Variants in CACNB2 observed in about 807,000 individuals in gnomAD.
CACNB2 encodes voltage-dependent L-type calcium channel subunit beta-2.
A neutral mutation model predicts 73.3 loss-of-function variants in CACNB2; 42 were observed. The ratio of observed to expected loss-of-function variants is 0.57; its 90% CI spans 0.45 to 0.74. The LOEUF is 0.74. Ranked by LOEUF, CACNB2 falls within the 30% of genes least tolerant of loss-of-function variation. The pLI is 0.00. For synonymous variants in CACNB2, 348 were observed against 310.3 expected (o/e 1.12, Z -1.28); for missense variants, 940 against 853.0 (o/e 1.10, Z -1.27).
At chr10:18,222,893 C>T (rs947237043) in intron 2 of CACNB2, among the ~76,000 whole-genome samples, 3 of 152,238 alleles carry the variant, frequency 2.0e-5, no homozygotes, top group East Asian at 1.9e-4. Context: ...GCTGAGATTG[C>T]GCCATTGCAC....
chr10:18,510,539 G>C (rs2050709666), intron 6 of CACNB2, among the ~76,000 whole-genome samples: 1 of 152,182 alleles, frequency 6.6e-6, no homozygotes, highest in African/African-American at 2.4e-5. Flanking sequence ...CTGACCTCAA[G>C]TGATCCACCC....
chr10:18,172,915 T>C (rs951421078), intron 2 of CACNB2, among the ~76,000 whole-genome samples: 2 of 145,970 alleles, frequency 1.4e-5, no homozygotes, highest in East Asian at 2.2e-4. Context: ...ATAGGGAAAA[T>C]AATAAGGCCT....
intron 3 of CACNB2, among the ~76,000 whole-genome samples, chr10:18,465,977 G>A (rs914408944): frequency 2.6e-5 from 4 of 151,998 alleles, no homozygotes; most frequent in East Asian, 1.9e-4. Flanking sequence ...CACTGCGCCC[G>A]GCCCCAACTT....
At chr10:18,449,406 A>C (rs1350925833) in intron 3 of CACNB2, among the ~76,000 whole-genome samples, 1 of 152,080 alleles carries the variant, frequency 6.6e-6, no homozygotes, top group East Asian at 1.9e-4. Context: ...AAAATAAAAC[A>C]CACAACAACA....
chr10:18,441,287 C>T (rs2046398212), intron 3 of CACNB2, among the ~76,000 whole-genome samples: 1 of 152,138 alleles, frequency 6.6e-6, no homozygotes, highest in Admixed American at 6.5e-5. Flanking sequence ...TGCCTGTAAT[C>T]CCAGCTACTC....
chr10:18,506,451 A>G lies in CACNB2; in HGVS notation c.594-20A>G, dbSNP rs1270979085. 1.4e-6 allele frequency: 2 copies of G among 1,456,274 alleles called. No individual in the cohort carries two copies. The highest frequency in any genetic ancestry group is 2.3e-5 in the East Asian group (1 of 44,102). 90.2% of individuals were successfully genotyped at this position (1,456,274 alleles called of 1,614,324 possible). A position where few individuals can be genotyped will look rare whatever the true frequency, so the allele number is the denominator to read the frequency against. On this transcript the variant is annotated intron_variant, in intron 5 of 13. Transcript: ENST00000324631. ...GCGAAATAAGTGTCAGATTTAATAG[A>G]AATTTTTGCTTTACTCCAGTAAATC...
chr10:18,500,649 T>C (rs577803218), intron 4 of CACNB2, among the ~76,000 whole-genome samples, 163 bp from the exon 5 acceptor site: 10 of 152,194 alleles, frequency 6.6e-5, no homozygotes, highest in Non-Finnish European at 1.5e-4. Context: ...GCTAAATGCA[T>C]TTCTTACATG....
Position 18,539,570 on chromosome 10 carries a change from G to A in CACNB2, c.1829G>A (p.Arg610Gln), listed in dbSNP as rs781454884. ...HRHRESRHRS[R>Q]DVDREQDHNE... ...CACAGGGAGTCCCGGCACCGTTCCCGGGACGTGGATCGAGAGCAGGACCAC... is the reference window on the plus strand; with the variant it reads ...CACAGGGAGTCCCGGCACCGTTCCCAGGACGTGGATCGAGAGCAGGACCAC... The change falls in exon 14 of 14, where the codon CGG becomes CAG. Residue 610 changes from arginine (R) to glutamine (Q), a missense_variant. Coordinates refer to ENST00000324631, the MANE Select transcript of CACNB2 (RefSeq NM_201596.3). 14 of 1,613,654 alleles carry A rather than the reference G, an allele frequency of 8.7e-6. No homozygotes were observed. Among genetic ancestry groups the A allele is most frequent in the Middle Eastern group, 1.6e-4 (1 of 6,062 alleles).
intron 9 of CACNB2, among the ~76,000 whole-genome samples, chr10:18,522,137 A>T (rs936853610): frequency 6.6e-6 from 1 of 152,028 alleles, no homozygotes; most frequent in Non-Finnish European, 1.5e-5. Context: ...TCCTTAGGAC[A>T]GTCTAATGCC....
intron 3 of CACNB2, among the ~76,000 whole-genome samples, chr10:18,446,187 T>G: frequency 6.6e-6 from 1 of 152,048 alleles, no homozygotes; most frequent in Admixed American, 6.6e-5. Context: ...AGGGGTCCTT[T>G]TGGATGAAGC....
intron 2 of CACNB2, among the ~76,000 whole-genome samples, chr10:18,385,659 AAAT>A: frequency 6.6e-6 from 1 of 151,762 alleles, no homozygotes; most frequent in Admixed American, 6.6e-5. Context: ...AAAAAAAAAA[AAAT>A]TTATTCAAAT....
At chr10:18,353,259 A>C (rs551337407) in intron 2 of CACNB2, among the ~76,000 whole-genome samples, 3 of 152,006 alleles carry the variant, frequency 2.0e-5, no homozygotes, top group Non-Finnish European at 4.4e-5. Flanking sequence ...AAAATACAAA[A>C]ATTAGCCGGG....
At chr10:18,151,022 T>G (rs2031507635) in intron 2 of CACNB2, 47 bp downstream of exon 2, 3 of 1,189,962 alleles carry the variant, frequency 2.5e-6, no homozygotes, top group Non-Finnish European at 3.8e-6. Context: ...TAAAATGACT[T>G]TAGATTTTTA....
At chr10:18,252,839 T>A (rs1233880595) in intron 2 of CACNB2, among the ~76,000 whole-genome samples, 7 of 152,168 alleles carry the variant, frequency 4.6e-5, no homozygotes, top group Admixed American at 4.6e-4. Flanking sequence ...TTTGGGAAAC[T>A]GCTGGAAGGG....
At chr10:18,328,911 G>T (rs1297277379) in intron 2 of CACNB2, among the ~76,000 whole-genome samples, 5 of 152,030 alleles carry the variant, frequency 3.3e-5, no homozygotes, top group African/African-American at 1.2e-4. Context: ...TTATGTTGGG[G>T]GTATATCCAG....
intron 2 of CACNB2, among the ~76,000 whole-genome samples, chr10:18,334,206 G>C (rs1342405849): frequency 1.3e-5 from 2 of 152,144 alleles, no homozygotes; most frequent in Non-Finnish European, 2.9e-5. Flanking sequence ...AAGGAAGTTG[G>C]AAACAAGCTA....
chr10:18,482,781 G>A (rs1326585921), intron 3 of CACNB2, among the ~76,000 whole-genome samples: 1 of 152,002 alleles, frequency 6.6e-6, no homozygotes, highest in Non-Finnish European at 1.5e-5. Flanking sequence ...CAAAGTGCTG[G>A]GATTACAGGG....
intron 3 of CACNB2, among the ~76,000 whole-genome samples, chr10:18,425,476 G>A (rs1372912325): frequency 2.6e-5 from 4 of 152,138 alleles, no homozygotes; most frequent in Middle Eastern, 3.4e-3. Flanking sequence ...AAACCAGCCC[G>A]GACAATCTAA....
At chr10:18,513,438 C>A in intron 6 of CACNB2, 1 of 214,482 alleles carries the variant, frequency 4.7e-6, no homozygotes, top group South Asian at 7.7e-5. Flanking sequence ...CTTGAGTAGT[C>A]GCTGTCAACT....
Sources: allele counts gnomAD v4.1 joint callset (sites outside exome capture counted in the v4.1 genomes callset), GRCh38; gene constraint gnomAD v4.1.1; transcripts MANE v1.5; gene names NCBI Gene and HGNC (gene_info 2026-07-23, HGNC 2026-07-21).